Variants in ADGRB3 observed in about 807,000 individuals in gnomAD.
ADGRB3 encodes the protein brain-specific angiogenesis inhibitor 3.
A neutral mutation model predicts 193.4 loss-of-function variants in ADGRB3; 37 were observed. The ratio of observed to expected loss-of-function variants is 0.19; its 90% CI spans 0.15 to 0.25. The LOEUF (loss-of-function observed/expected upper bound fraction) is 0.25. Ranked by LOEUF, ADGRB3 falls within the 10% of genes least tolerant of loss-of-function variation. The pLI, the probability that ADGRB3 is intolerant of heterozygous loss-of-function variation, is 1.00. For synonymous variants in ADGRB3, 690 were observed against 644.2 expected (o/e 1.07, Z -1.08); for missense variants, 1,637 against 1,852.9 (o/e 0.88, Z 2.14).
chr6:68,748,377 T>C (rs1177148457), intron 3 of ADGRB3, among the ~76,000 whole-genome samples: 2 of 152,116 alleles, frequency 1.3e-5, no homozygotes, highest in Non-Finnish European at 2.9e-5. Context: ...GCGGTACAGG[T>C]ATTTGTCAAA....
At chr6:69,323,440 T>C (rs1313484966) in intron 20 of ADGRB3, among the ~76,000 whole-genome samples, 1 of 152,052 alleles carries the variant, frequency 6.6e-6, no homozygotes, top group Non-Finnish European at 1.5e-5. Context: ...GGAATTACAA[T>C]TGGTTAAAGC....
intron 17 of ADGRB3, among the ~76,000 whole-genome samples, chr6:69,205,696 T>C (rs1000612527): frequency 6.6e-6 from 1 of 152,052 alleles, no homozygotes; most frequent in Admixed American, 6.6e-5. Context: ...TATCAGGATA[T>C]GTTTTACTCC....
chr6:68,860,837 T>C (rs1041621120), intron 3 of ADGRB3, among the ~76,000 whole-genome samples: 4 of 151,982 alleles, frequency 2.6e-5, no homozygotes, highest in African/African-American at 9.7e-5. Flanking sequence ...AAAGAACTTG[T>C]ACTGATATAT....
At chr6:69,146,148 TGAGTGCCAAG>T (rs1774486374) in intron 17 of ADGRB3, among the ~76,000 whole-genome samples, 1 of 152,094 alleles carries the variant, frequency 6.6e-6, no homozygotes, top group South Asian at 2.1e-4. Flanking sequence ...CACCTGCAGG[TGAGTGCCAAG>T]CTGCCCTCAG....
chr6:69,065,153 C>T (rs889989816), intron 16 of ADGRB3, among the ~76,000 whole-genome samples: 3 of 152,010 alleles, frequency 2.0e-5, no homozygotes, highest in Admixed American at 6.6e-5. Context: ...CAGGTTCCCA[C>T]GAGAATATAT....
chr6:69,012,002 G>C (rs898250053), intron 11 of ADGRB3, among the ~76,000 whole-genome samples: 3 of 152,046 alleles, frequency 2.0e-5, no homozygotes, highest in African/African-American at 7.2e-5. Context: ...TTGAAGAATA[G>C]TACAAAATGC....
intron 3 of ADGRB3, among the ~76,000 whole-genome samples, chr6:68,912,109 C>T (rs1435195766): frequency 6.6e-6 from 1 of 151,992 alleles, no homozygotes; most frequent in Non-Finnish European, 1.5e-5. Context: ...CAGCCATTTA[C>T]TAAGAATAAT....
chr6:68,867,408 T>A (rs983377998), intron 3 of ADGRB3, among the ~76,000 whole-genome samples: 1 of 152,200 alleles, frequency 6.6e-6, no homozygotes, highest in East Asian at 1.9e-4. Flanking sequence ...TTTCAGAGGA[T>A]GTATGGAAAC....
chr6:69,085,743 T>A (rs906032444), intron 17 of ADGRB3, among the ~76,000 whole-genome samples: 1 of 151,968 alleles, frequency 6.6e-6, no homozygotes, highest in East Asian at 1.9e-4. Flanking sequence ...GTACCTAACA[T>A]TGACTGTTTT....
At chr6:68,734,361 C>T (rs1765832924) in intron 3 of ADGRB3, among the ~76,000 whole-genome samples, 1 of 151,988 alleles carries the variant, frequency 6.6e-6, no homozygotes, top group South Asian at 2.1e-4. Context: ...TCCTTTTCCA[C>T]TTTTCCTTTC....
intron 3 of ADGRB3, among the ~76,000 whole-genome samples, chr6:68,759,081 C>G (rs1766348471): frequency 6.6e-6 from 1 of 151,988 alleles, no homozygotes; most frequent in Non-Finnish European, 1.5e-5. Context: ...AGAGGCTACC[C>G]ATGATAAAGT....
At chr6:68,908,437 C>G (rs1766610016) in intron 3 of ADGRB3, among the ~76,000 whole-genome samples, 1 of 152,052 alleles carries the variant, frequency 6.6e-6, no homozygotes, top group Admixed American at 6.6e-5. Flanking sequence ...TGTCTACTTT[C>G]ACTATTCCTC....
intron 17 of ADGRB3, among the ~76,000 whole-genome samples, chr6:69,121,328 G>T (rs913312470): frequency 3.3e-5 from 5 of 152,168 alleles, no homozygotes; most frequent in African/African-American, 9.7e-5. Flanking sequence ...TGGGGGTAAG[G>T]TTATAGATTA....
intron 3 of ADGRB3, among the ~76,000 whole-genome samples, chr6:68,904,799 C>G (rs1043909460): frequency 6.6e-6 from 1 of 152,160 alleles, no homozygotes; most frequent in African/African-American, 2.4e-5. Flanking sequence ...CCTTTCATAT[C>G]TCTCTCATGA....
intron 17 of ADGRB3, among the ~76,000 whole-genome samples, chr6:69,088,774 G>A (rs926022813): frequency 3.3e-5 from 5 of 152,162 alleles, no homozygotes; most frequent in African/African-American, 1.2e-4. Context: ...AAGTGATTCC[G>A]TGTTCATGGG....
At chr6:68,661,452 CATATATATGTGTGT>C (rs1223990407) in intron 3 of ADGRB3, among the ~76,000 whole-genome samples, 2 of 81,778 alleles carry the variant, frequency 2.4e-5, no homozygotes, top group Non-Finnish European at 5.1e-5. Flanking sequence ...TGTGTGTATA[CATATATATGTGTGT>C]ATATATATGT....
chr6:69,386,613 A>G (rs192039866), intron 31 of ADGRB3, among the ~76,000 whole-genome samples: 26 of 152,122 alleles, frequency 1.7e-4, no homozygotes, highest in Non-Finnish European at 2.6e-4. Flanking sequence ...CCACTTCACC[A>G]TCTGCCTGCT....
intron 3 of ADGRB3, among the ~76,000 whole-genome samples, chr6:68,735,123 T>C (rs1356070444): frequency 1.3e-5 from 2 of 151,994 alleles, no homozygotes; most frequent in African/African-American, 4.8e-5. Context: ...GTATTTTTAT[T>C]TTTTTACTTG....
chr6:68,892,069 G>A (rs1682968307), intron 3 of ADGRB3, among the ~76,000 whole-genome samples: 1 of 152,182 alleles, frequency 6.6e-6, no homozygotes, highest in African/African-American at 2.4e-5. Flanking sequence ...ATTTTAGTTA[G>A]TTTAAATTTA....
Sources: allele counts gnomAD v4.1 joint callset (sites outside exome capture counted in the v4.1 genomes callset), GRCh38; gene constraint gnomAD v4.1.1; transcripts MANE v1.5; gene names NCBI Gene and HGNC (gene_info 2026-07-23, HGNC 2026-07-21).